SGCG: variants seen among roughly 807,000 people sequenced by gnomAD.
SGCG encodes sarcoglycan gamma.
SGCG carries 26 observed loss-of-function variants against 29.3 expected under a neutral mutation model. That is an observed-to-expected ratio of 0.89 (90% CI 0.65 to 1.23). The LOEUF is 1.23. Ranked by LOEUF, SGCG falls within the 50% of genes most tolerant of loss-of-function variation. The pLI is 0.00. For synonymous variants in SGCG, 145 were observed against 129.7 expected, an observed-to-expected ratio of 1.12 and a Z score of -0.80; for missense variants, 353 against 356.0, an observed-to-expected ratio of 0.99 and a Z score of 0.07.
At chr13:23,306,056 G>A (rs1053819536) in intron 6 of SGCG, among the ~76,000 whole-genome samples, 1 of 152,010 alleles carries the variant, frequency 6.6e-6, no homozygotes, top group Admixed American at 6.6e-5. Flanking sequence ...TGTGAGACAG[G>A]GTCTTGCTGT....
At chr13:23,265,165 A>G (rs995125271) in intron 4 of SGCG, among the ~76,000 whole-genome samples, 13 of 152,200 alleles carry the variant, frequency 8.5e-5, no homozygotes, top group African/African-American at 3.1e-4. Context: ...CTAATTATGC[A>G]TCTGACAAAG....
intron 4 of SGCG, among the ~76,000 whole-genome samples, chr13:23,271,884 A>T (rs1370019170): frequency 6.6e-6 from 1 of 152,208 alleles, no homozygotes; most frequent in African/African-American, 2.4e-5. Flanking sequence ...CACACATCTT[A>T]TTAAATGAAT....
intron 1 of SGCG, among the ~76,000 whole-genome samples, chr13:23,197,506 C>T (rs915725630): frequency 6.6e-5 from 10 of 152,154 alleles, no homozygotes; most frequent in East Asian, 1.9e-4. Flanking sequence ...GCCCTGTGAA[C>T]GGAAAGGACC....
At chr13:23,171,472 A>C in the SGCG span, among the ~76,000 whole-genome samples, 14 of 152,200 alleles carry the variant, frequency 9.2e-5, no homozygotes, top group Non-Finnish European at 2.1e-4. Context: ...TTTGAAATTA[A>C]CGCCATGTAA....
intron 1 of SGCG, among the ~76,000 whole-genome samples, chr13:23,195,915 T>A (rs1877486179): frequency 6.6e-6 from 1 of 152,024 alleles, no homozygotes; most frequent in South Asian, 2.1e-4. Flanking sequence ...AAAAGAAATA[T>A]ATATATCAAT....
chr13:23,222,515 C>A, intron 2 of SGCG, among the ~76,000 whole-genome samples: 1 of 8,560 alleles, frequency 1.2e-4, no homozygotes, highest in Non-Finnish European at 2.8e-4. Flanking sequence ...ATGTTCTTTC[C>A]CCCCTTCTGA....
At position 23,265,336 on chromosome 13, in the gene SGCG, T is replaced by C. The variant is rs7335716; in HGVS notation, c.386-14023T>C. ...GCTCATGCCTGTAATCCCAGCACTT[T>C]GGGAATCCGAAGCAGGAGGATCACG... On this transcript the variant is annotated intron_variant, in intron 4 of 7. Coordinates refer to ENST00000218867, the MANE Select transcript of SGCG (RefSeq NM_000231.3). 6.6e-3 allele frequency among the ~76,000 whole-genome samples: 1,001 copies of C among 152,256 alleles called. 6 individuals are homozygous for C. Among genetic ancestry groups the C allele is most frequent in the African/African-American group, 0.023 (957 of 41,552 alleles).
At chr13:23,270,680 CTTGTTA>C (rs1231232824) in intron 4 of SGCG, among the ~76,000 whole-genome samples, 1 of 152,050 alleles carries the variant, frequency 6.6e-6, no homozygotes, top group Admixed American at 6.5e-5. Flanking sequence ...TTTATTTTTA[CTTGTTA>C]TTGTTATGTA....
rs548138863 is a variant in SGCG at position 23,254,911 on chromosome 13, G to T, written c.385+4194G>T. 6.2e-4 allele frequency among the ~76,000 whole-genome samples: 95 copies of T among 152,362 alleles called. 2 individuals are homozygous for T. The South Asian group carries it at 0.018, about 29-fold the overall frequency. Reference sequence around the variant, plus strand: ...ATGGTGTTAAGTCTCCAGGCCCGCAGAATGCAAGAGGAAGCTTGGCAGCTT... The same window carrying T: ...ATGGTGTTAAGTCTCCAGGCCCGCATAATGCAAGAGGAAGCTTGGCAGCTT... On this transcript the variant is annotated intron_variant, in intron 4 of 7. Coordinates refer to ENST00000218867, the MANE Select transcript of SGCG (RefSeq NM_000231.3).
intron 2 of SGCG, among the ~76,000 whole-genome samples, chr13:23,213,398 C>G (rs1011937169): frequency 3.3e-5 from 5 of 152,178 alleles, no homozygotes; most frequent in Non-Finnish European, 7.3e-5. Context: ...AGGAGAATCA[C>G]TTGAACCCAG....
chr13:23,292,171 A>G (rs1051201721), intron 5 of SGCG, among the ~76,000 whole-genome samples: 10 of 149,934 alleles, frequency 6.7e-5, no homozygotes, highest in African/African-American at 2.5e-4. Context: ...GTGCAATGGT[A>G]CGATCTTGGC....
intron 2 of SGCG, among the ~76,000 whole-genome samples, chr13:23,207,043 C>A (rs139090930): frequency 3.3e-5 from 5 of 152,260 alleles, no homozygotes; most frequent in East Asian, 3.9e-4. Flanking sequence ...ACGCTAGAGG[C>A]GTCATGCTTC....
chr13:23,214,867 T>G (rs1419341151), intron 2 of SGCG, among the ~76,000 whole-genome samples: 2 of 152,134 alleles, frequency 1.3e-5, no homozygotes, highest in Non-Finnish European at 2.9e-5. Context: ...AGTCCAAAAA[T>G]CATTAGAAGA....
intron 6 of SGCG, among the ~76,000 whole-genome samples, chr13:23,301,598 T>C (rs1487625408): frequency 2.6e-5 from 4 of 152,004 alleles, no homozygotes; most frequent in African/African-American, 4.8e-5. Flanking sequence ...TTAATAAGAA[T>C]CAATGGGGTC....
rs114203271 is a variant in SGCG at position 23,201,811 on chromosome 13, A to G, written c.1-1884A>G. 2.5e-3 allele frequency among the ~76,000 whole-genome samples: 383 copies of G among 152,274 alleles called. 2 individuals are homozygous for G. The highest frequency in any genetic ancestry group is 8.9e-3 in the African/African-American group (368 of 41,540). On this transcript the variant is annotated intron_variant, in intron 1 of 7. Transcript: ENST00000218867. ...TTGTATTCACCTGTAGCAATATTGT[A>G]AGTCTGTGCTTGCTTTTGGTTCAGA...
chr13:23,318,606 A>G (rs1364783498), intron 6 of SGCG, among the ~76,000 whole-genome samples: 2 of 152,184 alleles, frequency 1.3e-5, no homozygotes, highest in East Asian at 1.9e-4. Context: ...AAAATATAAC[A>G]AAGACAGAAA....
chr13:23,225,006 G>A lies in SGCG; in HGVS notation c.196-9605G>A, dbSNP rs1878842977. Among the ~76,000 whole-genome samples the A allele has an allele frequency of 2.6e-5, 4 of 152,272 alleles. No homozygotes were observed. The South Asian group carries it at 8.3e-4, about 32-fold the overall frequency. ...AGCAGCACCCACTACGAGCTCATGA[G>A]AAATGTACAATCTCAGTTCCCACCC... is the stretch of plus-strand genomic sequence containing the variant. On this transcript the variant is annotated intron_variant, in intron 2 of 7. Transcript: ENST00000218867.
chr13:23,223,575 T>C (rs1314191632), intron 2 of SGCG, among the ~76,000 whole-genome samples: 8 of 152,178 alleles, frequency 5.3e-5, no homozygotes, highest in Non-Finnish European at 8.8e-5. Context: ...AATAGTCACG[T>C]TTCAGATAAT....
chr13:23,213,385 G>A (rs1878306824), intron 2 of SGCG, among the ~76,000 whole-genome samples: 2 of 152,162 alleles, frequency 1.3e-5, no homozygotes, highest in Admixed American at 6.5e-5. Context: ...GGGTGGCTGA[G>A]GCAGGAGAAT....
Sources: allele counts gnomAD v4.1 joint callset (sites outside exome capture counted in the v4.1 genomes callset), GRCh38; gene constraint gnomAD v4.1.1; transcripts MANE v1.5; gene names NCBI Gene and HGNC (gene_info 2026-07-23, HGNC 2026-07-21).